Variants in LAMA1 observed in about 807,000 individuals in gnomAD.
LAMA1 encodes laminin subunit alpha 1, also known as laminin subunit alpha-1.
A neutral mutation model predicts 348.7 loss-of-function variants in LAMA1; 219 were observed. The ratio of observed to expected loss-of-function variants is 0.63; its 90% CI spans 0.56 to 0.70. LAMA1 has a LOEUF of 0.70. Ranked by LOEUF, LAMA1 falls within the 30% of genes least tolerant of loss-of-function variation. LAMA1 has a pLI of 0.00. For missense variants in LAMA1, 3,744 were observed against 3,888.0 expected (o/e 0.96, Z 0.99); for synonymous variants, 1,487 against 1,491.0 (o/e 1.00, Z 0.06).
chr18:7,009,360 A>C lies in LAMA1; in HGVS notation c.3880T>G (p.Trp1294Gly). ...EQEVAMRENF[W>G]KYFNSVSEKP... ...TCAGAAACAGAGTTAAAATATTTCCAAAAATTCTGTAGAATGAGAAACACA... is the reference window on the plus strand; with the variant it reads ...TCAGAAACAGAGTTAAAATATTTCCCAAAATTCTGTAGAATGAGAAACACA... Residue 1294 changes from tryptophan (W) to glycine (G), a missense_variant, in exon 27 of 63, where the codon TGG becomes GGG. This residue lies in a region of LAMA1 where 1,983 missense variants were observed against 1,934.3 expected (regional missense o/e 1.03). Transcript: ENST00000389658. The C allele has an allele frequency of 6.2e-7, 1 of 1,614,100 alleles. No homozygotes were observed. Among genetic ancestry groups the C allele is most frequent in the African/African-American group, 1.3e-5 (1 of 75,054 alleles).
Position 6,946,803 on chromosome 18 carries a change from T to C in LAMA1, c.8844+360A>G, listed in dbSNP as rs891055177. ...CATGGGGCCCTCCCTGTACATTTCA[T>C]TGCAACTTCCTATGAATCTGTAATA... On this transcript the variant is annotated intron_variant, in intron 61 of 62. Transcript: ENST00000389658. 3.9e-5 allele frequency among the ~76,000 whole-genome samples: 6 copies of C among 152,232 alleles called. No homozygotes were observed. The South Asian group carries it at 6.2e-4, about 16-fold the overall frequency.
At chr18:7,010,526 C>CAAA in intron 25 of LAMA1, 141 bp from the exon 26 acceptor site, 2 of 818,922 alleles carry the variant, frequency 2.4e-6, no homozygotes, top group Non-Finnish European at 4.0e-6. Context: ...CTGGAATTTG[C>CAAA]TTCCTTCTAA....
intron 47 of LAMA1, among the ~76,000 whole-genome samples, chr18:6,972,734 G>T (rs149978263): frequency 2.0e-5 from 3 of 152,150 alleles, no homozygotes; most frequent in Non-Finnish European, 4.4e-5. Context: ...CTGTTGCCCA[G>T]GCTGGAGTGC....
At chr18:6,962,441 G>A (rs2057612828) in intron 51 of LAMA1, among the ~76,000 whole-genome samples, 1 of 144,660 alleles carries the variant, frequency 6.9e-6, no homozygotes, top group Non-Finnish European at 1.5e-5. Context: ...GGGGTGGGGG[G>A]AACCCTATAC....
chr18:7,019,674 CTTTTTTTTTT>C (rs35235323), intron 19 of LAMA1, among the ~76,000 whole-genome samples: 2 of 94,548 alleles, frequency 2.1e-5, no homozygotes. Flanking sequence ...TATGGTAATT[CTTTTTTTTTT>C]TTTTTTTTTT....
intron 54 of LAMA1, 96 bp downstream of exon 54, chr18:6,959,245 C>T (rs2144001796): frequency 6.5e-7 from 1 of 1,537,432 alleles, no homozygotes; most frequent in South Asian, 1.1e-5. Flanking sequence ...TGACCCCAGT[C>T]ATCTAGCCGC....
intron 3 of LAMA1, among the ~76,000 whole-genome samples, chr18:7,073,812 A>G (rs2143769526): frequency 6.6e-6 from 1 of 151,048 alleles, no homozygotes; most frequent in South Asian, 2.1e-4. Context: ...CTGAGGAACA[A>G]CCATACTGGT....
chr18:7,052,355 C>G (rs1376017068), intron 3 of LAMA1, among the ~76,000 whole-genome samples: 2 of 151,832 alleles, frequency 1.3e-5, no homozygotes, highest in Non-Finnish European at 2.9e-5. Flanking sequence ...CACTTGAGCC[C>G]CAGAAGCAGA....
At chr18:7,010,004 A>T (rs2057852253) in intron 26 of LAMA1, among the ~76,000 whole-genome samples, 196 bp downstream of exon 26, 1 of 152,090 alleles carries the variant, frequency 6.6e-6, no homozygotes, top group Non-Finnish European at 1.5e-5. Flanking sequence ...ACGGGGATTC[A>T]TCATGTTGGA....
At chr18:6,942,927 G>C (rs931875644) in intron 62 of LAMA1, among the ~76,000 whole-genome samples, 32 of 152,118 alleles carry the variant, frequency 2.1e-4, no homozygotes, top group African/African-American at 7.5e-4. Context: ...AATTTACTTC[G>C]GTAGAGTCAT....
At chr18:6,963,985 T>C (rs544175205) in intron 51 of LAMA1, 1 of 154,064 alleles carries the variant, frequency 6.5e-6, no homozygotes, top group African/African-American at 2.4e-5. Flanking sequence ...CAAAGGAGAA[T>C]CCAGAAAAGT....
chr18:7,070,620 A>T (rs955839343), intron 3 of LAMA1, among the ~76,000 whole-genome samples: 56 of 152,168 alleles, frequency 3.7e-4, no homozygotes, highest in African/African-American at 1.3e-3. Context: ...GCTCTTGTCT[A>T]AAAGTTTGCA....
rs757020708 is a variant in LAMA1 at position 6,971,931 on chromosome 18, G to T, written c.6825C>A (p.Ala2275=). ...GGCCTATGGATTTTCCATTCAGGAA[G>T]GCCTCCCCCAAGCAGCCTTTAAAAT... ...VTHFKGCLGE[A]FLNGKSIGLW... Residue 2275 remains alanine (A), a synonymous_variant, in exon 48 of 63, where the codon GCC becomes GCA. Coordinates refer to ENST00000389658, the MANE Select transcript of LAMA1 (RefSeq NM_005559.4). 6.2e-7 allele frequency: 1 copy of T among 1,614,084 alleles called. No individual in the cohort carries two copies. Among genetic ancestry groups the T allele is most frequent in the South Asian group, 1.1e-5 (1 of 91,072 alleles).
Position 6,992,690 on chromosome 18 carries a change from G to A in LAMA1, c.5039C>T (p.Thr1680Ile). 6.2e-7 allele frequency: 1 copy of A among 1,613,450 alleles called. No individual in the cohort carries two copies. The stretch of plus-strand genomic sequence containing the variant: ...GGGTAGTAGGAAATCTTCATCCAAA[G>A]TCTGATTTAAAGTTGTCTTTTCCAT... Reference protein sequence around the residue: ...EIMEKTTLNQTLDEDFLLPNS... With the variant: ...EIMEKTTLNQILDEDFLLPNS... The change falls in exon 36 of 63, where the codon ACT (threonine) becomes ATT (isoleucine). Residue 1680 changes from threonine to isoleucine, a missense_variant. By Grantham distance (89) the Thr-to-Ile change is moderately conservative. Coordinates refer to ENST00000389658, the MANE Select transcript of LAMA1 (RefSeq NM_005559.4).
At chr18:6,992,519 C>A (rs757854321) in intron 36 of LAMA1, 42 bp downstream of exon 36, 44 of 1,606,094 alleles carry the variant, frequency 2.7e-5, no homozygotes, top group Non-Finnish European at 3.7e-5. Flanking sequence ...GCAAGTTTCT[C>A]TCTCTACTTG....
chr18:7,106,399 C>CA (rs1598322871), intron 1 of LAMA1, among the ~76,000 whole-genome samples: 1 of 149,102 alleles, frequency 6.7e-6, no homozygotes, highest in East Asian at 2.0e-4. Context: ...CTCACTCTGT[C>CA]GCCAGGCTGG....
rs557871111 is a variant in LAMA1, at chr18:7,070,595, C to T, written c.345+9380G>A. ...TCTGAATTAATGAGGTTTTACAAAA[C>T]CCAGCACACAAGCAGCTCTTGTCTA... On this transcript the variant is annotated intron_variant, in intron 3 of 62. Coordinates refer to ENST00000389658, the MANE Select transcript of LAMA1 (RefSeq NM_005559.4). 2.6e-5 allele frequency among the ~76,000 whole-genome samples: 4 copies of T among 152,182 alleles called. 1 individual carries two copies. In the South Asian group the frequency reaches 8.3e-4, roughly 32 times the overall value.
At chr18:7,057,538 G>A (rs1162386839) in intron 3 of LAMA1, among the ~76,000 whole-genome samples, 1 of 142,220 alleles carries the variant, frequency 7.0e-6, no homozygotes, top group Non-Finnish European at 1.5e-5. Flanking sequence ...GCAATGGCGT[G>A]GTCACAGCTC....
At chr18:6,978,947 G>C (rs950405204) in intron 42 of LAMA1, among the ~76,000 whole-genome samples, 3 of 152,120 alleles carry the variant, frequency 2.0e-5, no homozygotes, top group African/African-American at 7.2e-5. Flanking sequence ...AGCCACTCAA[G>C]GTAAATTGGA....
Sources: gnomAD v4.1 joint callset for allele counts (sites outside exome capture counted in the v4.1 genomes callset) on GRCh38, gnomAD v4.1.1 for gene constraint, gnomAD v4.1.1 regional missense constraint, MANE v1.5 for transcripts, NCBI Gene and HGNC (gene_info 2026-07-23, HGNC 2026-07-21) for gene names.